GALNT17: variants seen among roughly 807,000 people sequenced by gnomAD.
The protein encoded by GALNT17 is polypeptide N-acetylgalactosaminyltransferase 17.
Under a neutral mutation model 63.7 loss-of-function variants are expected in GALNT17, and 29 were observed. The observed-to-expected ratio is 0.46, with a 90% confidence interval of 0.34 to 0.62. The LOEUF (loss-of-function observed/expected upper bound fraction) is 0.62, where lower values mean the gene tolerates loss of function less well. Ranked by LOEUF, GALNT17 falls within the 20% of genes least tolerant of loss-of-function variation. The pLI is 0.01. For synonymous variants in GALNT17, 305 were observed against 318.3 expected (o/e 0.96, Z 0.45); for missense variants, 603 against 799.6 (o/e 0.75, Z 2.97).
At chr7:71,696,382 G>A (rs528322481) in intron 9 of GALNT17, among the ~76,000 whole-genome samples, 34 of 152,174 alleles carry the variant, frequency 2.2e-4, no homozygotes, top group African/African-American at 7.9e-4. Context: ...CAAAGTGCTG[G>A]GATTACAGGT....
chr7:71,512,618 C>T (rs533913598), intron 5 of GALNT17, among the ~76,000 whole-genome samples: 37 of 152,314 alleles, frequency 2.4e-4, no homozygotes, highest in African/African-American at 8.7e-4. Context: ...CAGAGATGAA[C>T]GTGAGAGACC....
intron 9 of GALNT17, among the ~76,000 whole-genome samples, chr7:71,707,317 C>G (rs1389838765): frequency 6.6e-6 from 1 of 152,156 alleles, no homozygotes. Context: ...CACAGCCCCT[C>G]CCTCTCAGGA....
At chr7:71,180,140 T>G (rs2116311038) in intron 1 of GALNT17, among the ~76,000 whole-genome samples, 1 of 152,290 alleles carries the variant, frequency 6.6e-6, no homozygotes, top group South Asian at 2.1e-4. Flanking sequence ...CTTACTTTTT[T>G]TTTGAGATGG....
In GALNT17 at chr7:71,147,142, C is replaced by T. The variant is rs1237024953; in HGVS notation, c.238+14102C>T. The stretch of plus-strand genomic sequence containing the variant: ...TATGATTGTAGGGTCCTTTAACTCT[C>T]AGATTATGAATAACATCTCTTTCCC... On this transcript the variant is annotated intron_variant, in intron 1 of 10. Coordinates refer to ENST00000333538, the MANE Select transcript of GALNT17 (RefSeq NM_022479.3). Among the ~76,000 whole-genome samples, 4 of 152,160 alleles carry T rather than the reference C, an allele frequency of 2.6e-5. No individual in the cohort carries two copies. The East Asian group carries it at 7.7e-4, about 29-fold the overall frequency.
chr7:71,663,474 A>C (rs1401706942), intron 6 of GALNT17, among the ~76,000 whole-genome samples: 1 of 152,142 alleles, frequency 6.6e-6, no homozygotes, highest in Non-Finnish European at 1.5e-5. Context: ...GCCCTTTGCC[A>C]ACATTTGGCC....
chr7:71,135,808 A>G (rs927819395), intron 1 of GALNT17, among the ~76,000 whole-genome samples: 6 of 152,132 alleles, frequency 3.9e-5, no homozygotes, highest in African/African-American at 1.4e-4. Flanking sequence ...CTTCAGATCA[A>G]CTGGCGTCTG....
intron 1 of GALNT17, among the ~76,000 whole-genome samples, chr7:71,262,788 C>CTCCCACCT (rs1461020005): frequency 6.6e-6 from 1 of 151,104 alleles, no homozygotes; most frequent in Non-Finnish European, 1.5e-5. Flanking sequence ...TCAAGTGATC[C>CTCCCACCT]TCCCACCTGA....
At chr7:71,688,876 T>C (rs1282539954) in intron 9 of GALNT17, among the ~76,000 whole-genome samples, 3 of 152,160 alleles carry the variant, frequency 2.0e-5, no homozygotes, top group Non-Finnish European at 4.4e-5. Flanking sequence ...GATGTTGCAT[T>C]TTTTCACAGA....
At chr7:71,451,507 C>T (rs888586152) in intron 5 of GALNT17, among the ~76,000 whole-genome samples, 7 of 151,992 alleles carry the variant, frequency 4.6e-5, no homozygotes, top group African/African-American at 9.7e-5. Context: ...AAAATCCTTT[C>T]GACGAACTAA....
chr7:71,387,840 CT>C (rs1792975130), intron 2 of GALNT17, among the ~76,000 whole-genome samples: 1 of 152,094 alleles, frequency 6.6e-6, no homozygotes. Context: ...TGGGACTCCC[CT>C]AGTGATGCTC....
chr7:71,648,715 G>A (rs538400324), intron 6 of GALNT17, among the ~76,000 whole-genome samples: 1 of 152,278 alleles, frequency 6.6e-6, no homozygotes, highest in South Asian at 2.1e-4. Flanking sequence ...GGGATTACAG[G>A]CATAAGCCAC....
At chr7:71,543,193 T>G (rs1788923006) in intron 5 of GALNT17, among the ~76,000 whole-genome samples, 1 of 152,188 alleles carries the variant, frequency 6.6e-6, no homozygotes. Flanking sequence ...GACCCTGACA[T>G]AGTTCCCATC....
At chr7:71,697,407 A>T (rs567913896) in intron 9 of GALNT17, among the ~76,000 whole-genome samples, 4 of 152,226 alleles carry the variant, frequency 2.6e-5, no homozygotes, top group African/African-American at 9.6e-5. Flanking sequence ...ATCGGAGGAC[A>T]TGCAAATTTG....
intron 1 of GALNT17, among the ~76,000 whole-genome samples, chr7:71,143,643 A>T (rs892179347): frequency 4.6e-5 from 7 of 152,070 alleles, no homozygotes; most frequent in African/African-American, 1.4e-4. Context: ...ACTTAATTGC[A>T]TAGGCTTGGG....
intron 7 of GALNT17, among the ~76,000 whole-genome samples, chr7:71,669,298 T>C (rs1791031723): frequency 6.6e-6 from 1 of 152,010 alleles, no homozygotes. Flanking sequence ...GGCTGATCAC[T>C]TGAGGTCAGG....
At chr7:71,472,697 A>G (rs1787653111) in intron 5 of GALNT17, among the ~76,000 whole-genome samples, 1 of 152,094 alleles carries the variant, frequency 6.6e-6, no homozygotes, top group Admixed American at 6.6e-5. Flanking sequence ...AAACTAAACT[A>G]AACTAAACTA....
intron 1 of GALNT17, among the ~76,000 whole-genome samples, chr7:71,223,485 T>C (rs1323047205): frequency 1.3e-5 from 2 of 152,222 alleles, no homozygotes; most frequent in Non-Finnish European, 2.9e-5. Context: ...TCAGGTTGGC[T>C]TCTGTGCCCT....
intron 1 of GALNT17, among the ~76,000 whole-genome samples, chr7:71,328,061 G>C (rs1273063870): frequency 1.3e-5 from 2 of 152,124 alleles, no homozygotes; most frequent in African/African-American, 4.8e-5. Flanking sequence ...GCAACTGGGA[G>C]AAAAAGGATG....
At chr7:71,431,737 C>CA (rs1391607405) in intron 5 of GALNT17, among the ~76,000 whole-genome samples, 1 of 152,112 alleles carries the variant, frequency 6.6e-6, no homozygotes, top group Non-Finnish European at 1.5e-5. Flanking sequence ...CAAGATAACA[C>CA]AATGCAGGGT....
Sources: gnomAD v4.1 joint callset for allele counts (sites outside exome capture counted in the v4.1 genomes callset) on GRCh38, gnomAD v4.1.1 for gene constraint, MANE v1.5 for transcripts, NCBI Gene and HGNC (gene_info 2026-07-23, HGNC 2026-07-21) for gene names.